Variants in COX7A2L observed in about 807,000 individuals in gnomAD.
The protein encoded by COX7A2L is cytochrome c oxidase subunit 7A2-like, mitochondrial.
COX7A2L carries 18 observed loss-of-function variants against 14.2 expected under a neutral mutation model. That is an observed-to-expected ratio of 1.27 (90% CI 0.88 to 1.88). COX7A2L has a LOEUF of 1.88. Among genes scored for constraint, COX7A2L ranks in the 40% most tolerant of loss-of-function variants. The pLI, the probability that COX7A2L is intolerant of heterozygous loss-of-function variation, is 0.00. For missense variants in COX7A2L, 179 were observed against 138.8 expected, an observed-to-expected ratio of 1.29 and a Z score of -1.46; for synonymous variants, 65 against 57.4, an observed-to-expected ratio of 1.13 and a Z score of -0.60.
At chr2:42,358,726 G>A (rs1005918426) in intron 1 of COX7A2L, among the ~76,000 whole-genome samples, 1 of 152,170 alleles carries the variant, frequency 6.6e-6, no homozygotes, top group Non-Finnish European at 1.5e-5. Context: ...CAAACTCATC[G>A]CAAGGTAATC....
intron 1 of COX7A2L, among the ~76,000 whole-genome samples, chr2:42,358,215 TTG>T (rs1167421538): frequency 6.6e-6 from 1 of 152,230 alleles, no homozygotes; most frequent in Non-Finnish European, 1.5e-5. Flanking sequence ...CTCATTGTGG[TTG>T]TGATTTGCTC....
Position 42,351,256 on chromosome 2 carries a change from A to G in COX7A2L, c.308T>C (p.Ile103Thr). The part of the protein sequence containing the change: ...LTVGGTIYCL[I>T]ALYMASQPKN... Reference sequence around the variant, plus strand: ...GGGCTGCGAAGCCATGTAGAGGGCGATCAGGCAGTAGATGGTCCCTCCCAC... The same window carrying G: ...GGGCTGCGAAGCCATGTAGAGGGCGGTCAGGCAGTAGATGGTCCCTCCCAC... The change falls in exon 3 of 3, where the codon ATC becomes ACC. Residue 103 changes from isoleucine to threonine, a missense_variant. Ile to Thr is a moderately conservative substitution (Grantham distance 89). Coordinates refer to ENST00000234301, the MANE Select transcript of COX7A2L (RefSeq NM_004718.4). The G allele has an allele frequency of 1.9e-6, 3 of 1,614,168 alleles. No homozygotes were observed. Among genetic ancestry groups the G allele is most frequent in the Non-Finnish European group, 2.5e-6 (3 of 1,180,026 alleles).
chr2:42,349,256 T>C (rs1448853673), downstream of COX7A2L: 3 of 152,242 alleles, frequency 2.0e-5, no homozygotes, highest in African/African-American at 7.2e-5. Context: ...ACCCATTCGA[T>C]TGAATACTAT....
chr2:42,336,568 G>A (rs1002899672), intron 2 of COX7A2L, among the ~76,000 whole-genome samples: 7 of 152,110 alleles, frequency 4.6e-5, no homozygotes, highest in African/African-American at 1.7e-4. Flanking sequence ...TGCCTCCTAG[G>A]AAAGGTCACA....
intron 1 of COX7A2L, among the ~76,000 whole-genome samples, chr2:42,358,619 A>G (rs1484324920): frequency 6.6e-6 from 1 of 152,196 alleles, no homozygotes; most frequent in Non-Finnish European, 1.5e-5. Context: ...TTTTCAACAT[A>G]GTTTAAGAAA....
chr2:42,353,640 T>C (rs757387921), intron 1 of COX7A2L, among the ~76,000 whole-genome samples: 3 of 152,204 alleles, frequency 2.0e-5, no homozygotes, highest in Non-Finnish European at 4.4e-5. Flanking sequence ...GAGGGATCTG[T>C]CTGCCATTTT....
At chr2:42,341,526 T>TC (rs982927197) in intron 2 of COX7A2L, among the ~76,000 whole-genome samples, 1 of 152,006 alleles carries the variant, frequency 6.6e-6, no homozygotes, top group African/African-American at 2.4e-5. Context: ...CCAGCAGTGC[T>TC]CCCCCAGCCC....
intron 1 of COX7A2L, 135 bp downstream of exon 1, chr2:42,360,955 C>G (rs900499367): frequency 9.2e-6 from 8 of 868,602 alleles, no homozygotes; most frequent in Non-Finnish European, 1.3e-5. Context: ...TGGAGAGGCC[C>G]CGGGAGGTGC....
At chr2:42,341,929 T>C (rs1050257797) in intron 2 of COX7A2L, among the ~76,000 whole-genome samples, 1 of 152,214 alleles carries the variant, frequency 6.6e-6, no homozygotes, top group African/African-American at 2.4e-5. Context: ...CCACTGAACT[T>C]TGAAGACATC....
intron 1 of COX7A2L, among the ~76,000 whole-genome samples, chr2:42,355,641 G>A (rs1329854468): frequency 7.1e-6 from 1 of 140,012 alleles, no homozygotes; most frequent in East Asian, 2.2e-4. Flanking sequence ...CCCATTAATT[G>A]TTATAAATTG....
Position 42,338,568 on chromosome 2 carries a change from G to A in COX7A2L, c.193-4699C>T, listed in dbSNP as rs769430526. On this transcript the variant is annotated intron_variant, in intron 2 of 2. Transcript: ENST00000468711. The surrounding 1 kb of genome is among the most constrained non-coding windows in gnomAD (Gnocchi z 4.4). ...CAGGCTTGGACATTTCCATGGAGAA[G>A]ATGATTAATTATGAACCAAGAATCC... Among the ~76,000 whole-genome samples the A allele has an allele frequency of 1.3e-5, 2 of 152,294 alleles. No individual in the cohort carries two copies. The highest frequency in any genetic ancestry group is 3.9e-4 in the East Asian group (2 of 5,182).
intron 1 of COX7A2L, among the ~76,000 whole-genome samples, chr2:42,356,932 T>C (rs1304546540): frequency 6.6e-6 from 1 of 152,090 alleles, no homozygotes; most frequent in South Asian, 2.1e-4. Context: ...AAAATAAAAT[T>C]AAAAATAAGT....
rs1003544272 is a variant in COX7A2L at position 42,350,927 on chromosome 2, A to AG, written c.*291dup. On this transcript the variant is annotated 3_prime_UTR_variant, in exon 3 of 3. Coordinates refer to ENST00000234301, the MANE Select transcript of COX7A2L (RefSeq NM_004718.4). ...CTCAAGTCCCTGAGGTCCTCAGCAC[A>AG]GACTGACATTAACAAGCCTGTGTTC... 1 of 245,200 alleles carries AG rather than the reference A, an allele frequency of 4.1e-6. No individual in the cohort carries two copies. Among genetic ancestry groups the AG allele is most frequent in the Non-Finnish European group, 7.8e-6 (1 of 127,742 alleles). 15.2% of individuals were successfully genotyped at this position (245,200 alleles called of 1,614,324 possible). A position where few individuals can be genotyped will look rare whatever the true frequency, so the allele number is the denominator to read the frequency against.
intron 2 of COX7A2L, among the ~76,000 whole-genome samples, chr2:42,336,619 TTGGC>T (rs1405575500): frequency 6.6e-6 from 1 of 152,182 alleles, no homozygotes; most frequent in Non-Finnish European, 1.5e-5. Context: ...TGATGCCCGT[TTGGC>T]TGGCACTGGG....
rs1416845147 is a variant in COX7A2L at position 42,342,763 on chromosome 2, C to T, written c.193-8894G>A. On this transcript the variant is annotated intron_variant, in intron 2 of 2. Coordinates refer to the COX7A2L transcript ENST00000468711. This position sits in a 1 kb window ranked among gnomAD's most constrained non-coding sequence, Gnocchi z 4.9. ...TCAGAACTCAAGGAAAAAAATATGA[C>T]CTAAAGAATGCTCTTCCTGGCCATT... 6.6e-6 allele frequency among the ~76,000 whole-genome samples: 1 copy of T among 152,026 alleles called. No homozygotes were observed. Among genetic ancestry groups the T allele is most frequent in the Non-Finnish European group, 1.5e-5 (1 of 67,998 alleles).
intron 1 of COX7A2L, among the ~76,000 whole-genome samples, chr2:42,355,900 A>G (rs918434243): frequency 1.2e-4 from 18 of 151,270 alleles, no homozygotes; most frequent in African/African-American, 4.4e-4. Context: ...TAATTTTTGT[A>G]TTTTTCATAG....
chr2:42,336,537 A>G (rs1670277803), intron 2 of COX7A2L, among the ~76,000 whole-genome samples: 1 of 152,128 alleles, frequency 6.6e-6, no homozygotes, highest in Non-Finnish European at 1.5e-5. Flanking sequence ...TGCTTGACTG[A>G]TCACAGTAAC....
intron 1 of COX7A2L, chr2:42,359,860 A>C (rs984630961): frequency 2.0e-5 from 3 of 151,844 alleles, no homozygotes; most frequent in African/African-American, 7.3e-5. Context: ...AAAAAAAAAA[A>C]AAACTTGCCC....
At chr2:42,351,830 AGGTGT>A (rs1403871731) in intron 2 of COX7A2L, among the ~76,000 whole-genome samples, 1 of 152,144 alleles carries the variant, frequency 6.6e-6, no homozygotes, top group African/African-American at 2.4e-5. Context: ...AAAATTAGCC[AGGTGT>A]GGTGGTATGC....
Sources: gnomAD v4.1 joint callset for allele counts (sites outside exome capture counted in the v4.1 genomes callset) on GRCh38, gnomAD v4.1.1 for gene constraint, Gnocchi (gnomAD v3.1) non-coding constraint, MANE v1.5 for transcripts, NCBI Gene and HGNC (gene_info 2026-07-23, HGNC 2026-07-21) for gene names.